DCAKD: variants seen among roughly 807,000 people sequenced by gnomAD.
DCAKD encodes dephospho-CoA kinase domain-containing protein.
Under a neutral mutation model 18.7 loss-of-function variants are expected in DCAKD, and 15 were observed. The observed-to-expected ratio is 0.80, with a 90% confidence interval of 0.54 to 1.24. DCAKD has a LOEUF of 1.24. Among genes scored for constraint, DCAKD ranks in the 50% most tolerant of loss-of-function variants. The probability of loss-of-function intolerance (pLI) is 0.00; values close to 1 mark genes in which losing one functional copy is unlikely to be tolerated. For missense variants in DCAKD, 301 were observed against 322.0 expected (o/e 0.93, Z 0.50); for synonymous variants, 130 against 133.0 (o/e 0.98, Z 0.16).
At chr17:45,033,466 T>A (rs2053215858) in intron 3 of DCAKD, among the ~76,000 whole-genome samples, 1 of 151,792 alleles carries the variant, frequency 6.6e-6, no homozygotes, top group Admixed American at 6.6e-5. Flanking sequence ...TCACGTTGGA[T>A]TTTTTCTTTT....
intron 3 of DCAKD, chr17:45,031,468 G>A: frequency 3.1e-6 from 3 of 956,304 alleles, no homozygotes; most frequent in Non-Finnish European, 3.7e-6. Context: ...TGATGGTAAA[G>A]ATGAAATGAG....
chr17:45,060,124 A>G (rs1017557195), intron 1 of DCAKD, among the ~76,000 whole-genome samples: 6 of 152,094 alleles, frequency 3.9e-5, no homozygotes, highest in Non-Finnish European at 8.8e-5. Context: ...AAAACAAAAC[A>G]AAGGTTGAAT....
In DCAKD at chr17:45,024,240, A is replaced by C; in HGVS notation, c.*193T>G. ...TGATCTCAAATAGGATACACTCCAA[A>C]GACGGGATGGCCTGGCACAGAGGCC... On this transcript the variant is annotated 3_prime_UTR_variant, in exon 5 of 5. Transcript: ENST00000651974. 1.4e-6 allele frequency: 1 copy of C among 694,204 alleles called. No homozygotes were observed. The highest frequency in any genetic ancestry group is 2.3e-6 in the Non-Finnish European group (1 of 435,692). The allele number at this position is 694,204 out of a possible 1,614,324, so 43.0% of individuals were successfully genotyped here.
chr17:45,026,749 T>C (rs2053064545), intron 4 of DCAKD: 1 of 985,376 alleles, frequency 1.0e-6, no homozygotes, highest in Non-Finnish European at 1.2e-6. Context: ...ACTGTGGCCA[T>C]TGTGGGGCCA....
chr17:45,059,795 A>AT (rs1433432904), intron 1 of DCAKD, among the ~76,000 whole-genome samples: 1 of 151,996 alleles, frequency 6.6e-6, no homozygotes, highest in Non-Finnish European at 1.5e-5. Flanking sequence ...TCAGGGCCAC[A>AT]TTTTTTCATC....
chr17:45,031,109 C>T, intron 3 of DCAKD: 1 of 985,418 alleles, frequency 1.0e-6, no homozygotes, highest in Non-Finnish European at 1.2e-6. Flanking sequence ...CTGGCTGGGG[C>T]AGGAGACTGC....
rs1204928100 is a variant in DCAKD at position 45,034,793 on chromosome 17, C to T, written c.93G>A (p.Val31=). Residue 31 remains valine, a synonymous_variant, in exon 2 of 5, where the codon GTG becomes GTA. Coordinates refer to ENST00000651974, the MANE Select transcript of DCAKD (RefSeq NM_001288655.2). Reference sequence around the variant, plus strand: ...ACTCACCGTGCCGGGCCATCACGTCCACGTCAATCACCGCACAGCCCAGCT... The same window carrying T: ...ACTCACCGTGCCGGGCCATCACGTCTACGTCAATCACCGCACAGCCCAGCT... ...FQQLGCAVID[V]DVMARHVVQP... The T allele has an allele frequency of 4.3e-6, 7 of 1,614,066 alleles. No homozygotes were observed. The Admixed American group carries it at 8.3e-5, about 19-fold the overall frequency.
intron 3 of DCAKD, chr17:45,033,831 A>T: frequency 8.4e-7 from 1 of 1,196,478 alleles, no homozygotes; most frequent in Non-Finnish European, 1.1e-6. Context: ...CACTCAATGA[A>T]GTCACACAGC....
rs565000834 is a variant in DCAKD, at chr17:45,059,436, T to C, written c.-118+1452A>G. Among the ~76,000 whole-genome samples, 11 of 152,192 alleles carry C rather than the reference T, an allele frequency of 7.2e-5. No homozygotes were observed. The South Asian group carries it at 1.0e-3, about 14-fold the overall frequency. On this transcript the variant is annotated intron_variant, in intron 1 of 4. Coordinates refer to the DCAKD transcript ENST00000310604. ...ACTCTGATGGTAAGAATTAGTCCTC[T>C]CATCACCCACCACACTCAACCCGAA...
At position 45,041,195 on chromosome 17, in the gene DCAKD, C is replaced by A. The variant is rs142437085; in HGVS notation, c.-114-6196G>T. ...ATCTAAAACCTTCACTGCCTTCTCC[C>A]GCCTCCTCCTGGCCCTTCACAGAGG... On this transcript the variant is annotated intron_variant, in intron 1 of 4. Coordinates refer to ENST00000651974, the MANE Select transcript of DCAKD (RefSeq NM_001288655.2). Among the ~76,000 whole-genome samples, 18 of 152,202 alleles carry A rather than the reference C, an allele frequency of 1.2e-4. No homozygotes were observed. The East Asian group carries it at 3.3e-3, about 28-fold the overall frequency.
rs114222422 is a variant in DCAKD at position 45,035,857 on chromosome 17, C to T, written c.-114-858G>A. On this transcript the variant is annotated intron_variant, in intron 1 of 4. Coordinates refer to ENST00000651974, the MANE Select transcript of DCAKD (RefSeq NM_001288655.2). Reference sequence around the variant, plus strand: ...GTCCCATGGATCACTTCCCCTTGAACGCCAGCACTAGGACTGCCTGGGTAG... The same window carrying T: ...GTCCCATGGATCACTTCCCCTTGAATGCCAGCACTAGGACTGCCTGGGTAG... Among the ~76,000 whole-genome samples, 580 of 152,330 alleles carry T rather than the reference C, an allele frequency of 3.8e-3. 5 individuals carry two copies. The highest frequency in any genetic ancestry group is 0.014 in the African/African-American group (569 of 41,572).
chr17:45,041,783 A>C (rs1324811459), intron 1 of DCAKD, among the ~76,000 whole-genome samples: 4 of 151,952 alleles, frequency 2.6e-5, no homozygotes, highest in Admixed American at 2.6e-4. Context: ...ATAAACTCAC[A>C]GTACCAGTAA....
chr17:45,042,203 C>G (rs1263103043), intron 1 of DCAKD, among the ~76,000 whole-genome samples: 1 of 152,184 alleles, frequency 6.6e-6, no homozygotes, highest in Non-Finnish European at 1.5e-5. Flanking sequence ...GGAGCCTCAT[C>G]CAATCCCCCA....
At chr17:45,027,299 C>G (rs1441253423) in intron 4 of DCAKD, among the ~76,000 whole-genome samples, 4 of 152,174 alleles carry the variant, frequency 2.6e-5, no homozygotes, top group Non-Finnish European at 5.9e-5. Flanking sequence ...GTGATTGTGC[C>G]ACTGCACTCT....
intron 4 of DCAKD, among the ~76,000 whole-genome samples, chr17:45,027,919 G>C (rs1390094507): frequency 6.6e-6 from 1 of 150,818 alleles, no homozygotes; most frequent in African/African-American, 2.4e-5. Flanking sequence ...CTGGGAGGCA[G>C]AGGTTGCAGT....
At chr17:45,028,180 C>T (rs979304337) in intron 4 of DCAKD, among the ~76,000 whole-genome samples, 3 of 150,132 alleles carry the variant, frequency 2.0e-5, no homozygotes, top group African/African-American at 7.4e-5. Flanking sequence ...GCGATCTCAG[C>T]TCACTCCAAG....
In DCAKD at chr17:45,034,971, G is replaced by A. The variant is rs936322920; in HGVS notation, c.-86C>T. 2 of 1,431,306 alleles carry A rather than the reference G, an allele frequency of 1.4e-6. No homozygotes were observed. Among genetic ancestry groups the A allele is most frequent in the Non-Finnish European group, 1.9e-6 (2 of 1,032,974 alleles). 88.7% of individuals were successfully genotyped at this position (1,431,306 alleles called of 1,614,324 possible). Reference sequence around the variant, plus strand: ...AGCAGGGCAAGTGTGGCCGATGGGGGCGGTCCACCAGAGGAGTGCCAGAAG... The same window carrying A: ...AGCAGGGCAAGTGTGGCCGATGGGGACGGTCCACCAGAGGAGTGCCAGAAG... On this transcript the variant is annotated 5_prime_UTR_variant, in exon 2 of 5. Transcript: ENST00000651974.
At chr17:45,054,486 GATCT>G (rs1207369685), upstream of DCAKD, among the ~76,000 whole-genome samples, 7 of 152,070 alleles carry the variant, frequency 4.6e-5, no homozygotes, top group Non-Finnish European at 7.4e-5. Context: ...AACCTCAGGC[GATCT>G]GCCTGCCTCA....
intron 4 of DCAKD, among the ~76,000 whole-genome samples, chr17:45,026,000 CCT>C (rs1286309233): frequency 6.6e-6 from 1 of 151,746 alleles, no homozygotes; most frequent in Non-Finnish European, 1.5e-5. Flanking sequence ...CTCACTGTAG[CCT>C]CTGTCTCTTG....
Sources: allele counts gnomAD v4.1 joint callset (sites outside exome capture counted in the v4.1 genomes callset), GRCh38; gene constraint gnomAD v4.1.1; transcripts MANE v1.5; gene names NCBI Gene and HGNC (gene_info 2026-07-23, HGNC 2026-07-21).